NEURL1: variants seen among roughly 807,000 people sequenced by gnomAD.
NEURL1 encodes the protein E3 ubiquitin-protein ligase NEURL1.
In NEURL1, 26 loss-of-function variants were observed where a neutral mutation model predicts 41.2. The observed-to-expected ratio is 0.63, with a 90% CI of 0.46 to 0.87. NEURL1 has a LOEUF of 0.87. Ranked by LOEUF, NEURL1 falls within the 40% of genes least tolerant of loss-of-function variation. NEURL1 has a pLI of 0.00. For synonymous variants in NEURL1, 400 were observed against 402.3 expected (o/e 0.99, Z 0.07); for missense variants, 761 against 871.1 (o/e 0.87, Z 1.59).
intron 1 of NEURL1, among the ~76,000 whole-genome samples, chr10:103,567,837 T>A (rs1465153313): frequency 1.3e-5 from 2 of 152,198 alleles, no homozygotes; most frequent in Non-Finnish European, 2.9e-5. Context: ...ACCTGTAAAT[T>A]GGTTGATAAT....
chr10:103,590,236 A>T lies in NEURL1; in HGVS notation c.1589A>T (p.Asp530Val), dbSNP rs1015097987. Residue 530 changes from aspartate to valine, a missense_variant, in exon 6 of 6, where the codon GAC becomes GTC. Asp to Val is a radical substitution (Grantham distance 152, BLOSUM62 -3). Around this residue, in one of 5 missense-constraint regions of NEURL1, gnomAD observed 45 missense variants for 89.9 expected, o/e 0.50. Coordinates refer to ENST00000369780, the MANE Select transcript of NEURL1 (RefSeq NM_004210.5). ...ECTICYEHAV[D>V]TVIYTCGHMC... ...ACCATTTGCTATGAACACGCGGTGGACACGGTCATCTACACATGTGGCCAC... is the reference window on the plus strand; with the variant it reads ...ACCATTTGCTATGAACACGCGGTGGTCACGGTCATCTACACATGTGGCCAC... The T allele has an allele frequency of 6.2e-7, 1 of 1,613,398 alleles. No homozygotes were observed. The highest frequency in any genetic ancestry group is 8.5e-7 in the Non-Finnish European group (1 of 1,179,822).
In NEURL1 at chr10:103,571,542, G is replaced by A. The variant is rs1320928223; in HGVS notation, c.369G>A (p.Leu123=). 1 of 1,611,060 alleles carries A rather than the reference G, an allele frequency of 6.2e-7. No homozygotes were observed. Among genetic ancestry groups the A allele is most frequent in the South Asian group, 1.1e-5 (1 of 91,012 alleles). Reference sequence around the variant, plus strand: ...GCTGCTGGAGCGGGGCCCTGCGGCTGGGCTTCACCAGCAAGGACCCGTCCC... The same window carrying A: ...GCTGCTGGAGCGGGGCCCTGCGGCTAGGCTTCACCAGCAAGGACCCGTCCC... ...KQCCWSGALR[L]GFTSKDPSRI... Residue 123 remains leucine (L), a synonymous_variant, in exon 3 of 6, where the codon CTG becomes CTA. Transcript: ENST00000369780.
chr10:103,568,324 G>T (rs2035467931), intron 1 of NEURL1, among the ~76,000 whole-genome samples: 1 of 152,198 alleles, frequency 6.6e-6, no homozygotes, highest in South Asian at 2.1e-4. Context: ...TGGGTCTCTG[G>T]CCCCTTTGTC....
At chr10:103,553,875 G>A (rs1376072118) in intron 1 of NEURL1, among the ~76,000 whole-genome samples, 2 of 152,218 alleles carry the variant, frequency 1.3e-5, no homozygotes, top group Admixed American at 6.5e-5. Flanking sequence ...CCAGGCCAGG[G>A]CCAGGGAGGA....
chr10:103,509,792 G>T (rs1322439168), intron 1 of NEURL1, among the ~76,000 whole-genome samples: 3 of 152,210 alleles, frequency 2.0e-5, no homozygotes, highest in Non-Finnish European at 4.4e-5. Context: ...ATTTTGGGGT[G>T]AAGGTGCTAT....
In NEURL1 at chr10:103,494,131, C is replaced by T. The variant is rs187979592; in HGVS notation, c.-257C>T. 0.037 allele frequency: 14,704 copies of T among 397,796 alleles called. 327 individuals carry two copies. The highest frequency in any genetic ancestry group is 0.045 in the Non-Finnish European group (9,989 of 222,766). The allele number at this position is 397,796 out of a possible 1,614,324, so 24.6% of individuals were successfully genotyped here. A position where few individuals can be genotyped will look rare whatever the true frequency, so the allele number is the denominator to read the frequency against. The stretch of plus-strand genomic sequence containing the variant: ...CCCCGGCCCAGGGCCCTGCTTGTGG[C>T]CCCCGCTCCCGCCACGGGGCATGGG... On this transcript the variant is annotated 5_prime_UTR_variant, in exon 1 of 6. Coordinates refer to ENST00000369780, the MANE Select transcript of NEURL1 (RefSeq NM_004210.5).
chr10:103,506,033 C>T (rs1049823409), intron 1 of NEURL1, among the ~76,000 whole-genome samples: 1 of 152,206 alleles, frequency 6.6e-6, no homozygotes, highest in African/African-American at 2.4e-5. Flanking sequence ...TGTCTGCTGG[C>T]TTACCCAGAT....
intron 2 of NEURL1, 87 bp from the exon 3 acceptor site, chr10:103,571,414 C>T: frequency 7.3e-7 from 1 of 1,360,912 alleles, no homozygotes; most frequent in Non-Finnish European, 9.9e-7. Context: ...CTGTGGGATG[C>T]TCCAGGGAGT....
At position 103,513,511 on chromosome 10, in the gene NEURL1, C is replaced by A. The variant is rs552822189; in HGVS notation, c.85+19039C>A. Among the ~76,000 whole-genome samples the A allele has an allele frequency of 3.3e-5, 5 of 152,380 alleles. No homozygotes were observed. In the South Asian group the frequency reaches 1.0e-3, roughly 32 times the overall value. ...GAGGCTAGCCCTGGGATACCTCAGC[C>A]CCTGCCAGGTTCACAGACTGCGGAC... is the stretch of plus-strand genomic sequence containing the variant. On this transcript the variant is annotated intron_variant, in intron 1 of 5. Coordinates refer to ENST00000369780, the MANE Select transcript of NEURL1 (RefSeq NM_004210.5).
chr10:103,494,722 G>A, intron 1 of NEURL1: 2 of 509,838 alleles, frequency 3.9e-6, no homozygotes, highest in South Asian at 5.2e-5. Flanking sequence ...CTCAGGCCAT[G>A]GTCTTAGGCG....
At chr10:103,572,948 C>T (rs1480194465) in intron 3 of NEURL1, among the ~76,000 whole-genome samples, 1 of 151,984 alleles carries the variant, frequency 6.6e-6, no homozygotes, top group Non-Finnish European at 1.5e-5. Context: ...CATCTCTACC[C>T]GCCTCTCCCT....
rs545768386 is a variant in NEURL1, at chr10:103,587,062, G to A, written c.1339+1837G>A. Reference sequence around the variant, plus strand: ...AGATTCCATCTCAAGAAAAGAAAGAGAGAGAGAGAAAGAAAGAGAAAGAGA... The same window carrying A: ...AGATTCCATCTCAAGAAAAGAAAGAAAGAGAGAGAAAGAAAGAGAAAGAGA... On this transcript the variant is annotated intron_variant, in intron 4 of 5. Transcript: ENST00000369780. Among the ~76,000 whole-genome samples, 536 of 139,062 alleles carry A rather than the reference G, an allele frequency of 3.9e-3. 3 individuals carry two copies. The highest frequency in any genetic ancestry group is 0.018 in the African/African-American group (520 of 29,384). The allele number at this position is 139,062 out of a possible 152,430, so 91.2% of individuals were successfully genotyped here.
intron 1 of NEURL1, chr10:103,550,437 G>GC (rs942811704): frequency 6.6e-6 from 1 of 152,378 alleles, no homozygotes; most frequent in African/African-American, 2.4e-5. Flanking sequence ...GGCACTGCCA[G>GC]CCCTGCTTCC....
chr10:103,494,804 C>G, intron 1 of NEURL1: 1 of 219,220 alleles, frequency 4.6e-6, no homozygotes, highest in East Asian at 9.4e-5. Flanking sequence ...AAGCTTGGGT[C>G]GTCCGTGTCT....
chr10:103,536,834 C>T (rs551047747), intron 1 of NEURL1, among the ~76,000 whole-genome samples: 12 of 152,258 alleles, frequency 7.9e-5, no homozygotes, highest in African/African-American at 2.9e-4. Flanking sequence ...GTATTAAGTA[C>T]ATGTGTTATT....
Position 103,571,555 on chromosome 10 carries a change from A to G in NEURL1, c.382A>G (p.Lys128Glu). 12 of 1,612,488 alleles carry G rather than the reference A, an allele frequency of 7.4e-6. No individual in the cohort carries two copies. The highest frequency in any genetic ancestry group is 1.3e-5 in the African/African-American group (1 of 75,040). Residue 128 changes from lysine to glutamate, a missense_variant, in exon 3 of 6, where the codon AAG becomes GAG. Lys to Glu is a moderately conservative substitution (Grantham distance 56). Transcript: ENST00000369780. ...GGCCCTGCGGCTGGGCTTCACCAGC[A>G]AGGACCCGTCCCGCATCCACCCTGA... is the stretch of plus-strand genomic sequence containing the variant. ...SGALRLGFTSKDPSRIHPDSL... is the reference protein window; with the variant it reads ...SGALRLGFTSEDPSRIHPDSL...
intron 1 of NEURL1, chr10:103,555,188 C>G (rs1387163453): frequency 2.3e-6 from 1 of 433,450 alleles, no homozygotes; most frequent in Non-Finnish European, 2.8e-6. Context: ...TGGCCGCGGG[C>G]GGGCGGCGTG....
chr10:103,577,331 A>C (rs1187702511), intron 3 of NEURL1, among the ~76,000 whole-genome samples: 1 of 152,054 alleles, frequency 6.6e-6, no homozygotes, highest in Non-Finnish European at 1.5e-5. Context: ...CCTCCTGACC[A>C]TCGGAAGCAC....
rs114905293 is a variant in NEURL1, at chr10:103,503,168, C to G, written c.85+8696C>G. Among the ~76,000 whole-genome samples, 1,348 of 152,304 alleles carry G rather than the reference C, an allele frequency of 8.9e-3. 20 individuals carry two copies. Among genetic ancestry groups the G allele is most frequent in the African/African-American group, 0.031 (1,275 of 41,556 alleles). ...GTCCCGCCTGGCCAGACCAGAGGCG[C>G]TAATGGGCCAGCCCAGGAAGTGGGA... On this transcript the variant is annotated intron_variant, in intron 1 of 5. Transcript: ENST00000369780.
Sources: allele counts gnomAD v4.1 joint callset (sites outside exome capture counted in the v4.1 genomes callset), GRCh38; gene constraint gnomAD v4.1.1; regional missense constraint gnomAD v4.1.1; transcripts MANE v1.5; gene names NCBI Gene and HGNC (gene_info 2026-07-23, HGNC 2026-07-21).